The following MEP1A variants were observed in gnomAD, a reference collection of about 807,000 sequenced individuals.
The protein encoded by MEP1A is N-benzoyl-L-tyrosyl-P-amino-benzoic acid hydrolase subunit alpha.
Under a neutral mutation model 84.5 loss-of-function variants are expected in MEP1A, and 68 were observed. The observed-to-expected ratio is 0.80, with a 90% CI of 0.66 to 0.98. The LOEUF is 0.98. MEP1A is among the 50% of genes least tolerant of loss of function. The pLI is 0.00. For missense variants in MEP1A, 887 were observed against 919.9 expected (o/e 0.96, Z 0.46); for synonymous variants, 337 against 336.8 (o/e 1.00, Z -0.01).
intron 9 of MEP1A, among the ~76,000 whole-genome samples, chr6:46,826,890 A>G (rs1364011469): frequency 6.6e-6 from 1 of 152,162 alleles, no homozygotes; most frequent in Non-Finnish European, 1.5e-5. Context: ...TTAATACCTC[A>G]TGAAAAAGTA....
At chr6:46,816,648 C>A (rs1265585532) in intron 6 of MEP1A, among the ~76,000 whole-genome samples, 2 of 151,970 alleles carry the variant, frequency 1.3e-5, no homozygotes, top group African/African-American at 4.8e-5. Context: ...CAAACATGAA[C>A]CTGAACCTGG....
At chr6:46,808,042 G>A (rs1280280311) in intron 5 of MEP1A, among the ~76,000 whole-genome samples, 1 of 151,916 alleles carries the variant, frequency 6.6e-6, no homozygotes, top group Non-Finnish European at 1.5e-5. Flanking sequence ...AGGAAGAAAA[G>A]GTATAATTTT....
intron 10 of MEP1A, among the ~76,000 whole-genome samples, chr6:46,830,174 CG>C (rs1282948766): frequency 1.4e-5 from 2 of 140,854 alleles, no homozygotes; most frequent in Non-Finnish European, 3.0e-5. Context: ...TGCTGGAACC[CG>C]GGAGGCGGAG....
chr6:46,796,230 C>A (rs1052532156), intron 3 of MEP1A, among the ~76,000 whole-genome samples: 1 of 152,072 alleles, frequency 6.6e-6, no homozygotes, highest in Non-Finnish European at 1.5e-5. Context: ...GTTGACCAAG[C>A]CTTCCAAGGG....
chr6:46,833,464 ACCAGGAG>A lies in MEP1A; in HGVS notation c.1538_1544del (p.Gln513LeufsTer24). ...AGACAGGTGATAATTACCATCCTTG[ACCAGGAG>A]CCTGATGTCCGGAACAGGATGTCCT... On this transcript the variant is annotated frameshift_variant, in exon 11 of 14. Coordinates refer to ENST00000230588, the MANE Select transcript of MEP1A (RefSeq NM_005588.3). LOFTEE classifies it high-confidence loss of function. 3 of 1,614,166 alleles carry A rather than the reference ACCAGGAG, an allele frequency of 1.9e-6. No homozygotes were observed. Among genetic ancestry groups the A allele is most frequent in the Non-Finnish European group, 2.5e-6 (3 of 1,180,030 alleles).
chr6:46,836,031 C>T (rs1007965779), intron 13 of MEP1A, among the ~76,000 whole-genome samples: 2 of 152,090 alleles, frequency 1.3e-5, no homozygotes, highest in African/African-American at 2.4e-5. Context: ...ATTTCTGACC[C>T]CTTGTTATGC....
intron 13 of MEP1A, among the ~76,000 whole-genome samples, chr6:46,836,943 A>G (rs1324406361): frequency 6.6e-6 from 1 of 152,108 alleles, no homozygotes; most frequent in Non-Finnish European, 1.5e-5. Context: ...TGGTGATGTC[A>G]ACCTTCATTA....
intron 3 of MEP1A, among the ~76,000 whole-genome samples, chr6:46,795,130 A>C (rs1393818612): frequency 6.6e-6 from 1 of 152,076 alleles, no homozygotes; most frequent in African/African-American, 2.4e-5. Flanking sequence ...CCTCCATCCC[A>C]AGACCTGCTC....
Position 46,809,531 on chromosome 6 carries a change from T to G in MEP1A, c.374T>G (p.Phe125Cys). 1 of 1,589,064 alleles carries G rather than the reference T, an allele frequency of 6.3e-7. No homozygotes were observed. The highest frequency in any genetic ancestry group is 8.6e-7 in the Non-Finnish European group (1 of 1,161,672). Residue 125 changes from phenylalanine (F) to cysteine (C), a missense_variant, in exon 6 of 14, where the codon TTT becomes TGT. By Grantham distance (205) the Phe-to-Cys change is radical (BLOSUM62 -2). Transcript: ENST00000230588. Reference protein sequence around the residue: ...GESSYIIFQQFDGCWSEVGDQ... With the variant: ...GESSYIIFQQCDGCWSEVGDQ... Reference sequence around the variant, plus strand: ...AGCTCATATATCATATTTCAACAGTTTGATGGGTTGGTATGAAATTTTACG... The same window carrying G: ...AGCTCATATATCATATTTCAACAGTGTGATGGGTTGGTATGAAATTTTACG...
At position 46,833,483 on chromosome 6, in the gene MEP1A, G is replaced by T. The variant is rs765211137; in HGVS notation, c.1554G>T (p.Arg518=). 2 of 1,614,132 alleles carry T rather than the reference G, an allele frequency of 1.2e-6. No homozygotes were observed. The highest frequency in any genetic ancestry group is 1.7e-6 in the Non-Finnish European group (2 of 1,180,026). The change falls in exon 11 of 14, where the codon CGG becomes CGT. Residue 518 remains arginine, a synonymous_variant. Transcript: ENST00000230588. The part of the protein sequence containing the change: ...ITILDQEPDV[R]NRMSSSMVFT... The stretch of plus-strand genomic sequence containing the variant: ...TCCTTGACCAGGAGCCTGATGTCCG[G>T]AACAGGATGTCCTCAAGCATGGTGT...
At chr6:46,838,555 G>A (rs1056266195) in intron 13 of MEP1A, among the ~76,000 whole-genome samples, 5 of 152,094 alleles carry the variant, frequency 3.3e-5, no homozygotes, top group South Asian at 2.1e-4. Context: ...GCTCTAAGTC[G>A]GTCTATATCT....
intron 11 of MEP1A, among the ~76,000 whole-genome samples, chr6:46,834,226 AT>A (rs536224558): frequency 0.036 from 5,329 of 146,460 alleles, 181 homozygotes; most frequent in African/African-American, 0.089. Context: ...CCTGGCACTA[AT>A]TTTTTTTTTT....
chr6:46,825,227 A>G (rs1276550204), intron 7 of MEP1A, 45 bp from the exon 8 acceptor site: 4 of 1,336,902 alleles, frequency 3.0e-6, no homozygotes, highest in Non-Finnish European at 4.2e-6. Flanking sequence ...TAGCATGGGG[A>G]AAATAACATG....
At chr6:46,836,183 A>G (rs1283415173) in intron 13 of MEP1A, among the ~76,000 whole-genome samples, 2 of 152,200 alleles carry the variant, frequency 1.3e-5, no homozygotes, top group Non-Finnish European at 1.5e-5. Context: ...TCTAAAATGT[A>G]CCCAGATGGA....
At chr6:46,812,871 G>A (rs1767538173) in intron 6 of MEP1A, among the ~76,000 whole-genome samples, 1 of 151,992 alleles carries the variant, frequency 6.6e-6, no homozygotes. Context: ...ACTGAGACTT[G>A]TTTTGTGGTC....
intron 7 of MEP1A, among the ~76,000 whole-genome samples, chr6:46,824,520 TATATATAAATTATCATCTATTTA>T (rs1289966305): frequency 1.4e-5 from 2 of 143,378 alleles, no homozygotes; most frequent in African/African-American, 5.1e-5. Flanking sequence ...TCTATTTAAA[TATATATAAATTATCATCTATTTA>T]ATATATAAAT....
rs145908593 is a variant in MEP1A, at chr6:46,809,530, T to C, written c.373T>C (p.Phe125Leu). 2.5e-6 allele frequency: 4 copies of C among 1,589,502 alleles called. No homozygotes were observed. The Admixed American group carries it at 5.1e-5, about 20-fold the overall frequency. ...GESSYIIFQQFDGCWSEVGDQ... is the reference protein window; with the variant it reads ...GESSYIIFQQLDGCWSEVGDQ... ...GAGCTCATATATCATATTTCAACAG[T>C]TTGATGGGTTGGTATGAAATTTTAC... The change falls in exon 6 of 14, where the codon TTT (phenylalanine) becomes CTT (leucine). Residue 125 changes from phenylalanine to leucine, a missense_variant. By Grantham distance (22) the Phe-to-Leu change is conservative (BLOSUM62 0). Coordinates refer to ENST00000230588, the MANE Select transcript of MEP1A (RefSeq NM_005588.3).
At chr6:46,834,170 G>T (rs562108450) in intron 11 of MEP1A, among the ~76,000 whole-genome samples, 1 of 151,590 alleles carries the variant, frequency 6.6e-6, no homozygotes, top group Non-Finnish European at 1.5e-5. Flanking sequence ...CAATCCACCC[G>T]CTTTGGCCTC....
intron 6 of MEP1A, among the ~76,000 whole-genome samples, chr6:46,813,582 A>G (rs1767557927): frequency 6.6e-6 from 1 of 152,052 alleles, no homozygotes; most frequent in African/African-American, 2.4e-5. Flanking sequence ...ACTATTCTAT[A>G]CATTGTGCAA....
Sources: gnomAD v4.1 joint callset for allele counts (sites outside exome capture counted in the v4.1 genomes callset) on GRCh38, gnomAD v4.1.1 for gene constraint, MANE v1.5 for transcripts, NCBI Gene and HGNC (gene_info 2026-07-23, HGNC 2026-07-21) for gene names.